MCC: variants seen among roughly 807,000 people sequenced by gnomAD.
MCC encodes colorectal mutant cancer protein.
Under a neutral mutation model 116.2 loss-of-function variants are expected in MCC, and 90 were observed. That is an observed-to-expected ratio of 0.77 (90% confidence interval 0.65 to 0.92). The LOEUF is 0.92. MCC is among the 40% of genes least tolerant of loss of function. The pLI, the probability that MCC is intolerant of heterozygous loss-of-function variation, is 0.00. For synonymous variants in MCC, 578 were observed against 510.5 expected, an observed-to-expected ratio of 1.13 and a Z score of -1.78; for missense variants, 1,516 against 1,312.2, an observed-to-expected ratio of 1.16 and a Z score of -2.40.
intron 3 of MCC, among the ~76,000 whole-genome samples, chr5:113,290,340 C>T (rs1426398447): frequency 6.6e-6 from 1 of 152,196 alleles, no homozygotes; most frequent in Admixed American, 6.5e-5. Flanking sequence ...AGAATTTTGT[C>T]TGTCCATTGT....
intron 4 of MCC, among the ~76,000 whole-genome samples, chr5:113,145,856 C>G (rs1295569679): frequency 6.6e-6 from 1 of 151,880 alleles, no homozygotes; most frequent in African/African-American, 2.4e-5. Flanking sequence ...GGAGAGCTTG[C>G]TCTCTGGTAT....
At chr5:113,115,447 T>C (rs1217848954) in intron 6 of MCC, among the ~76,000 whole-genome samples, 1 of 152,206 alleles carries the variant, frequency 6.6e-6, no homozygotes, top group Non-Finnish European at 1.5e-5. Context: ...ATTTTCACTG[T>C]TGTCACTTTA....
At chr5:113,229,597 G>T (rs1464708380) in intron 3 of MCC, among the ~76,000 whole-genome samples, 5 of 152,200 alleles carry the variant, frequency 3.3e-5, no homozygotes, top group Non-Finnish European at 7.3e-5. Context: ...TGTTTTTAGT[G>T]ATCTAGAGAA....
chr5:113,114,667 A>G (rs13183638), intron 6 of MCC, among the ~76,000 whole-genome samples: 69,644 of 151,932 alleles, frequency 0.46, 17,553 homozygotes, highest in East Asian at 0.72. Context: ...GGATGTCAGA[A>G]ACTGTGGTTT....
intron 3 of MCC, among the ~76,000 whole-genome samples, chr5:113,226,113 T>A (rs1487156549): frequency 1.3e-5 from 2 of 152,224 alleles, no homozygotes; most frequent in African/African-American, 4.8e-5. Context: ...AAGGCGAAGG[T>A]TGCAGTGAGC....
At chr5:113,096,124 C>CG (rs1289825131) in intron 8 of MCC, among the ~76,000 whole-genome samples, 5 of 152,174 alleles carry the variant, frequency 3.3e-5, no homozygotes, top group African/African-American at 1.2e-4. Context: ...TAGCAGATGC[C>CG]GGGCTTATCA....
intron 14 of MCC, among the ~76,000 whole-genome samples, chr5:113,060,933 T>C (rs1753174339): frequency 1.3e-5 from 2 of 152,224 alleles, no homozygotes; most frequent in African/African-American, 4.8e-5. Context: ...AGTCTGACTC[T>C]CATTCCCTGA....
Position 113,275,965 on chromosome 5 carries a change from G to GTT in MCC, c.627+64552_627+64553dup, listed in dbSNP as rs1194323460. On this transcript the variant is annotated intron_variant, in intron 3 of 18. Coordinates refer to ENST00000408903, the MANE Select transcript of MCC (RefSeq NM_001085377.2). ...AAACATTCTAAAATTGATTTCACTT[G>GTT]TTTTGTTTTTTTTTTTTTTTTTTTA... Among the ~76,000 whole-genome samples the GTT allele has an allele frequency of 7.4e-4, 89 of 121,022 alleles. 2 individuals carry two copies. The highest frequency in any genetic ancestry group is 1.0e-3 in the Admixed American group (12 of 11,828). 79.4% of individuals were successfully genotyped at this position (121,022 alleles called of 152,430 possible).
intron 3 of MCC, among the ~76,000 whole-genome samples, chr5:113,284,016 C>G (rs1766152395): frequency 6.6e-6 from 1 of 152,176 alleles, no homozygotes; most frequent in Admixed American, 6.5e-5. Context: ...CATTTTCTTT[C>G]CTCCAGCTTA....
intron 3 of MCC, among the ~76,000 whole-genome samples, chr5:113,217,417 AT>A (rs1280544895): frequency 2.0e-5 from 3 of 152,202 alleles, no homozygotes; most frequent in African/African-American, 4.8e-5. Context: ...TATTAAGTTG[AT>A]TTTTTATAGC....
At chr5:113,068,331 G>C in intron 12 of MCC, 148 bp from the exon 13 acceptor site, 1 of 615,874 alleles carries the variant, frequency 1.6e-6, no homozygotes, top group Non-Finnish European at 2.9e-6. Flanking sequence ...ATATTCCCAG[G>C]GCAGGGCCAG....
chr5:113,296,421 C>A (rs193053675), intron 3 of MCC, among the ~76,000 whole-genome samples: 23 of 152,202 alleles, frequency 1.5e-4, no homozygotes, highest in Admixed American at 2.6e-4. Context: ...ACGATTTTGG[C>A]TGGACAGGGT....
chr5:113,486,365 C>T (rs1172727944), intron 1 of MCC, among the ~76,000 whole-genome samples: 2 of 152,222 alleles, frequency 1.3e-5, no homozygotes, highest in Non-Finnish European at 2.9e-5. Flanking sequence ...TCTTTATCAC[C>T]ACCCACTTTA....
intron 1 of MCC, among the ~76,000 whole-genome samples, chr5:113,444,620 G>A (rs1473501620): frequency 6.6e-6 from 1 of 152,294 alleles, no homozygotes; most frequent in Non-Finnish European, 1.5e-5. Flanking sequence ...TCAGATCAAT[G>A]CTTAGTCTCA....
At chr5:113,145,737 TACACACACACACAC>T (rs558608537) in intron 4 of MCC, among the ~76,000 whole-genome samples, 19 of 123,530 alleles carry the variant, frequency 1.5e-4, no homozygotes, top group African/African-American at 5.1e-4. Context: ...TAAACTTGCT[TACACACACACACAC>T]ACACACACAC....
intron 3 of MCC, among the ~76,000 whole-genome samples, chr5:113,215,098 G>A (rs910492022): frequency 2.6e-5 from 4 of 152,090 alleles, no homozygotes; most frequent in African/African-American, 7.2e-5. Context: ...GCTGGCTACT[G>A]CCAGCCCTTT....
intron 11 of MCC, among the ~76,000 whole-genome samples, chr5:113,080,869 G>T (rs928536919): frequency 6.7e-6 from 1 of 150,124 alleles, no homozygotes; most frequent in Non-Finnish European, 1.5e-5. Context: ...AGCTTCTGTT[G>T]GTGTCCTATT....
chr5:113,434,919 TC>T lies in MCC; in HGVS notation c.171-49708del. 6.6e-7 allele frequency: 1 copy of T among 1,514,260 alleles called. No homozygotes were observed. Among genetic ancestry groups the T allele is most frequent in the East Asian group, 2.3e-5 (1 of 43,980 alleles). 93.8% of individuals were successfully genotyped at this position (1,514,260 alleles called of 1,614,324 possible). A position where few individuals can be genotyped will look rare whatever the true frequency, so the allele number is the denominator to read the frequency against. ...TGGGCCAGCAGTGTGCTCATTTACA[TC>T]CTGGATAGAGAGTCCTTTGGGCTGG... On this transcript the variant is annotated intron_variant, in intron 1 of 18. Coordinates refer to ENST00000408903, the MANE Select transcript of MCC (RefSeq NM_001085377.2). This position sits in a 1 kb window ranked among gnomAD's most constrained non-coding sequence, Gnocchi z 4.2.
chr5:113,322,893 C>A (rs923926751), intron 3 of MCC: 1 of 152,208 alleles, frequency 6.6e-6, no homozygotes, highest in African/African-American at 2.4e-5. Context: ...CTTGTACAGA[C>A]CTCTTCCAAG....
Sources: allele counts gnomAD v4.1 joint callset (sites outside exome capture counted in the v4.1 genomes callset), GRCh38; gene constraint gnomAD v4.1.1; non-coding constraint Gnocchi (gnomAD v3.1); transcripts MANE v1.5; gene names NCBI Gene and HGNC (gene_info 2026-07-23, HGNC 2026-07-21).